PRKCE: variants seen among roughly 807,000 people sequenced by gnomAD.
The protein encoded by PRKCE is protein kinase C epsilon.
PRKCE carries 16 observed loss-of-function variants against 85.4 expected under a neutral mutation model. The ratio of observed to expected loss-of-function variants is 0.19; its 90% CI spans 0.13 to 0.28. The LOEUF is 0.28. Ranked by LOEUF, PRKCE falls within the 10% of genes least tolerant of loss-of-function variation. The pLI is 1.00. For missense variants in PRKCE, 573 were observed against 975.2 expected (o/e 0.59, Z 5.49); for synonymous variants, 388 against 371.5 (o/e 1.04, Z -0.51).
Position 45,774,570 on chromosome 2 carries a change from G to A in PRKCE, c.349-68430G>A, listed in dbSNP as rs756868345. The stretch of plus-strand genomic sequence containing the variant: ...TGGGGAAAGCTGAATGCCAGGAATC[G>A]GGTGGCTTTTGGTGTGACTGTACAG... On this transcript the variant is annotated intron_variant, in intron 1 of 14. Transcript: ENST00000306156. This position sits in a 1 kb window ranked among gnomAD's most constrained non-coding sequence, Gnocchi z 4.3. Among the ~76,000 whole-genome samples the A allele has an allele frequency of 1.3e-5, 2 of 152,084 alleles. No individual in the cohort carries two copies. Among genetic ancestry groups the A allele is most frequent in the Non-Finnish European group, 1.5e-5 (1 of 68,024 alleles).
chr2:46,142,995 C>T (rs1441514225), intron 11 of PRKCE, among the ~76,000 whole-genome samples: 1 of 152,120 alleles, frequency 6.6e-6, no homozygotes, highest in Non-Finnish European at 1.5e-5. Flanking sequence ...AGGAAGTCAA[C>T]CAATGTGAAG....
At chr2:45,653,801 T>C (rs988127429) in intron 1 of PRKCE, among the ~76,000 whole-genome samples, 17 of 152,226 alleles carry the variant, frequency 1.1e-4, no homozygotes, top group Non-Finnish European at 7.3e-5. Context: ...ACTCTAGATT[T>C]GTGGTTTGCA....
At chr2:45,685,211 G>A (rs1380908811) in intron 1 of PRKCE, among the ~76,000 whole-genome samples, 2 of 152,164 alleles carry the variant, frequency 1.3e-5, no homozygotes, top group African/African-American at 4.8e-5. Context: ...TGATGAAAAT[G>A]AGAAATATTA....
At chr2:45,660,874 G>A (rs1675604782) in intron 1 of PRKCE, among the ~76,000 whole-genome samples, 1 of 152,184 alleles carries the variant, frequency 6.6e-6, no homozygotes, top group African/African-American at 2.4e-5. Flanking sequence ...GGAGAACCAG[G>A]AGGACAGGAA....
At chr2:45,958,190 C>CAAAAAAAAAAAA (rs60711691) in intron 2 of PRKCE, among the ~76,000 whole-genome samples, 2 of 110,108 alleles carry the variant, frequency 1.8e-5, no homozygotes, top group Non-Finnish European at 3.7e-5. Flanking sequence ...ATTAGGCCCG[C>CAAAAAAAAAAAA]AAAAAAAAAA....
intron 10 of PRKCE, among the ~76,000 whole-genome samples, chr2:46,018,279 G>A (rs781668434): frequency 3.9e-5 from 6 of 152,192 alleles, no homozygotes; most frequent in Admixed American, 6.5e-5. Flanking sequence ...TATGTGCCGT[G>A]CCATGGGGCA....
intron 2 of PRKCE, among the ~76,000 whole-genome samples, chr2:45,876,528 G>C (rs1479539434): frequency 2.6e-5 from 4 of 152,180 alleles, no homozygotes; most frequent in Non-Finnish European, 5.9e-5. Context: ...CCATTTGGGG[G>C]TAAATCCCAC....
intron 1 of PRKCE, among the ~76,000 whole-genome samples, chr2:45,723,692 C>A (rs571969468): frequency 6.6e-6 from 1 of 152,294 alleles, no homozygotes; most frequent in Non-Finnish European, 1.5e-5. Context: ...GCAACCTCCG[C>A]CTTCCGGTTT....
intron 2 of PRKCE, among the ~76,000 whole-genome samples, chr2:45,879,738 C>G (rs1051167155): frequency 6.6e-6 from 1 of 152,076 alleles, no homozygotes; most frequent in African/African-American, 2.4e-5. Flanking sequence ...GTCACGAGGC[C>G]GTGAAAGGGT....
At chr2:45,664,222 T>C (rs756085205) in intron 1 of PRKCE, among the ~76,000 whole-genome samples, 1 of 152,218 alleles carries the variant, frequency 6.6e-6, no homozygotes, top group Non-Finnish European at 1.5e-5. Context: ...GGATAGTGGT[T>C]TGTCCAAGTT....
chr2:45,795,686 G>C (rs190654649), intron 1 of PRKCE, among the ~76,000 whole-genome samples: 5 of 152,306 alleles, frequency 3.3e-5, no homozygotes, highest in Non-Finnish European at 7.3e-5. Flanking sequence ...GTCATAGTCA[G>C]CTTCTTCAAA....
chr2:46,142,010 A>G lies in PRKCE; in HGVS notation c.1593-3083A>G, dbSNP rs567377817. Among the ~76,000 whole-genome samples the G allele has an allele frequency of 5.9e-5, 9 of 152,340 alleles. No homozygotes were observed. The South Asian group carries it at 1.9e-3, about 32-fold the overall frequency. On this transcript the variant is annotated intron_variant, in intron 11 of 14. Coordinates refer to ENST00000306156, the MANE Select transcript of PRKCE (RefSeq NM_005400.3). ...GTCTACAGGTCCCTAGCAAAGAGGC[A>G]GCACTGAAAACATACAGGCAGGAGA...
At chr2:46,082,472 A>G (rs1020659902) in intron 10 of PRKCE, among the ~76,000 whole-genome samples, 1 of 151,912 alleles carries the variant, frequency 6.6e-6, no homozygotes, top group Non-Finnish European at 1.5e-5. Context: ...CGTGAAGTCA[A>G]TTTTGGACAT....
At chr2:46,075,742 C>T (rs1046960322) in intron 10 of PRKCE, among the ~76,000 whole-genome samples, 1 of 152,176 alleles carries the variant, frequency 6.6e-6, no homozygotes, top group Non-Finnish European at 1.5e-5. Flanking sequence ...GAGTGAGGCC[C>T]TGTCTCTAAA....
intron 1 of PRKCE, among the ~76,000 whole-genome samples, chr2:45,735,019 T>C (rs529556554): frequency 2.3e-4 from 35 of 152,364 alleles, no homozygotes; most frequent in Non-Finnish European, 4.4e-4. Context: ...TCCACCTAGA[T>C]TGTTTCTGAG....
intron 2 of PRKCE, among the ~76,000 whole-genome samples, chr2:45,860,735 G>T (rs1225362722): frequency 6.6e-6 from 1 of 152,108 alleles, no homozygotes; most frequent in Non-Finnish European, 1.5e-5. Flanking sequence ...TTTGGCCAGT[G>T]CTCTCTTCAG....
At position 46,068,238 on chromosome 2, in the gene PRKCE, C is replaced by G. The variant is rs896950098; in HGVS notation, c.1438-17970C>G. On this transcript the variant is annotated intron_variant, in intron 10 of 14. Transcript: ENST00000306156. The surrounding 1 kb of genome is among the most constrained non-coding windows in gnomAD (Gnocchi z 4.3). ...GTGAGCCACTTGAGTCATAGGCTATCTAACTTACGAGCATGCCTACTCTGT... is the reference window on the plus strand; with the variant it reads ...GTGAGCCACTTGAGTCATAGGCTATGTAACTTACGAGCATGCCTACTCTGT... Among the ~76,000 whole-genome samples, 4 of 152,114 alleles carry G rather than the reference C, an allele frequency of 2.6e-5. No individual in the cohort carries two copies. Among genetic ancestry groups the G allele is most frequent in the African/African-American group, 4.8e-5 (2 of 41,426 alleles).
At chr2:45,951,251 G>T (rs567569050) in intron 2 of PRKCE, among the ~76,000 whole-genome samples, 1 of 152,312 alleles carries the variant, frequency 6.6e-6, no homozygotes, top group South Asian at 2.1e-4. Context: ...CTGGTAAGTA[G>T]CCCAGATTGG....
At chr2:45,673,368 C>CT (rs1021680737) in intron 1 of PRKCE, among the ~76,000 whole-genome samples, 8 of 152,002 alleles carry the variant, frequency 5.3e-5, no homozygotes, top group African/African-American at 1.7e-4. Flanking sequence ...TATTGCAGGA[C>CT]TTTTTTTTAC....
Sources: allele counts gnomAD v4.1 joint callset (sites outside exome capture counted in the v4.1 genomes callset), GRCh38; gene constraint gnomAD v4.1.1; non-coding constraint Gnocchi (gnomAD v3.1); transcripts MANE v1.5; gene names NCBI Gene and HGNC (gene_info 2026-07-23, HGNC 2026-07-21).